PSMF1: variants seen among roughly 807,000 people sequenced by gnomAD.
PSMF1 encodes proteasome inhibitor PI31 subunit.
A neutral mutation model predicts 29.3 loss-of-function variants in PSMF1; 30 were observed. The observed-to-expected ratio is 1.02, with a 90% confidence interval of 0.77 to 1.39. PSMF1 has a LOEUF of 1.39. Among genes scored for constraint, PSMF1 ranks in the 40% most tolerant of loss-of-function variants. The pLI, the probability that PSMF1 is intolerant of heterozygous loss-of-function variation, is 0.00. For synonymous variants in PSMF1, 134 were observed against 139.7 expected, an observed-to-expected ratio of 0.96 and a Z score of 0.29; for missense variants, 344 against 357.5, an observed-to-expected ratio of 0.96 and a Z score of 0.31.
intron 4 of PSMF1, among the ~76,000 whole-genome samples, chr20:1,160,083 A>G (rs6040222): frequency 0.33 from 49,420 of 151,800 alleles, 8,557 homozygotes; most frequent in East Asian, 0.71. Context: ...ATCCCTATGC[A>G]TTACGGAAAA....
chr20:1,116,985 G>C (rs532284647), upstream of PSMF1, among the ~76,000 whole-genome samples: 1 of 152,298 alleles, frequency 6.6e-6, no homozygotes, highest in African/African-American at 2.4e-5. Context: ...GAAACTGGCT[G>C]GGAAGCTACT....
chr20:1,131,878 C>T (rs1392844696), intron 3 of PSMF1, among the ~76,000 whole-genome samples: 1 of 152,124 alleles, frequency 6.6e-6, no homozygotes, highest in African/African-American at 2.4e-5. Context: ...CTGAATTTTA[C>T]ACATGCCTAG....
intron 3 of PSMF1, chr20:1,134,773 G>A (rs1354886573): frequency 1.9e-5 from 7 of 365,726 alleles, no homozygotes; most frequent in African/African-American, 6.3e-5. Context: ...CCCATGACAC[G>A]TGATGAACAC....
intron 4 of PSMF1, among the ~76,000 whole-genome samples, chr20:1,139,757 A>AAG (rs57718820): frequency 0.41 from 60,235 of 147,714 alleles, 13,156 homozygotes; most frequent in Admixed American, 0.48. Flanking sequence ...AAAAAAAAAA[A>AAG]CGATAAAAAT....
intron 1 of PSMF1, among the ~76,000 whole-genome samples, chr20:1,125,296 G>A (rs931257174): frequency 2.0e-5 from 3 of 152,146 alleles, no homozygotes; most frequent in Non-Finnish European, 4.4e-5. Context: ...TCAATATGAG[G>A]GAGAGCGCAG....
In PSMF1 at chr20:1,166,212, C is replaced by A. The variant is rs1487615474; in HGVS notation, c.*1132C>A. 6.2e-7 allele frequency: 1 copy of A among 1,612,052 alleles called. No individual in the cohort carries two copies. The highest frequency in any genetic ancestry group is 2.2e-5 in the East Asian group (1 of 44,842). On this transcript the variant is annotated 3_prime_UTR_variant, in exon 7 of 7. Transcript: ENST00000335877. Reference sequence around the variant, plus strand: ...TGGCCCACCTGACCTTTGGTGTTCTCCGGATCCTTTTCAGCCCGAGGCCTG... The same window carrying A: ...TGGCCCACCTGACCTTTGGTGTTCTACGGATCCTTTTCAGCCCGAGGCCTG...
chr20:1,126,379 G>C (rs2086156508), intron 2 of PSMF1, among the ~76,000 whole-genome samples: 1 of 152,022 alleles, frequency 6.6e-6, no homozygotes, highest in Non-Finnish European at 1.5e-5. Context: ...TTTTCACTCG[G>C]TGTTTTGGAG....
Position 1,169,848 on chromosome 20 carries a change from C to T in PSMF1, c.*4768C>T, listed in dbSNP as rs2086772412. 6.6e-6 allele frequency among the ~76,000 whole-genome samples: 1 copy of T among 152,180 alleles called. No homozygotes were observed. Among genetic ancestry groups the T allele is most frequent in the African/African-American group, 2.4e-5 (1 of 41,450 alleles). ...TGGGGAGATGTCTTTATTCCCTCTT[C>T]CCACCTTTCCTGGAAGGTGCACTGG... On this transcript the variant is annotated 3_prime_UTR_variant, in exon 7 of 7. Transcript: ENST00000335877.
intron 1 of PSMF1, among the ~76,000 whole-genome samples, chr20:1,120,315 A>G (rs980190276): frequency 1.3e-5 from 2 of 152,176 alleles, no homozygotes; most frequent in African/African-American, 2.4e-5. Context: ...CTCTAAGACT[A>G]GATATGAGGA....
chr20:1,141,569 C>A (rs144319856), intron 4 of PSMF1, among the ~76,000 whole-genome samples: 2 of 151,870 alleles, frequency 1.3e-5, no homozygotes, highest in East Asian at 3.9e-4. Context: ...TACCAGCAAA[C>A]GTGATTTATT....
chr20:1,151,264 A>G (rs558738403), intron 4 of PSMF1, among the ~76,000 whole-genome samples: 1 of 152,336 alleles, frequency 6.6e-6, no homozygotes, highest in South Asian at 2.1e-4. Flanking sequence ...ATTCCATGAG[A>G]TTGGTAAGGG....
Position 1,166,441 on chromosome 20 carries a change from TG to T in PSMF1, c.*1362del, listed in dbSNP as rs1461981346. 8.9e-6 allele frequency: 6 copies of T among 671,390 alleles called. No individual in the cohort carries two copies. The highest frequency in any genetic ancestry group is 1.3e-5 in the Non-Finnish European group (5 of 384,458). The allele number at this position is 671,390 out of a possible 1,614,324, so 41.6% of individuals were successfully genotyped here. ...ATTTACCTGTAGGTAAGCAAGCTAC[TG>T]TAGCTCTTCTGAGGTATCTGCCAGG... On this transcript the variant is annotated 3_prime_UTR_variant, in exon 7 of 7. Coordinates refer to ENST00000335877, the MANE Select transcript of PSMF1 (RefSeq NM_006814.5).
At chr20:1,119,326 T>C (rs1317622071) in intron 1 of PSMF1, among the ~76,000 whole-genome samples, 1 of 152,112 alleles carries the variant, frequency 6.6e-6, no homozygotes, top group African/African-American at 2.4e-5. Flanking sequence ...CATACCACAG[T>C]AGAGCCTCCA....
chr20:1,160,781 G>A (rs545812727), intron 4 of PSMF1: 11 of 425,962 alleles, frequency 2.6e-5, no homozygotes, highest in African/African-American at 8.2e-5. Flanking sequence ...GCATCCTGAC[G>A]ATGAAGTACC....
chr20:1,132,246 CT>C (rs1172208297), intron 3 of PSMF1, among the ~76,000 whole-genome samples: 1 of 150,890 alleles, frequency 6.6e-6, no homozygotes, highest in Admixed American at 6.6e-5. Flanking sequence ...TGTGCCTTTT[CT>C]TTTTTTTCTT....
chr20:1,126,473 T>C (rs931007358), intron 2 of PSMF1, among the ~76,000 whole-genome samples: 1 of 152,222 alleles, frequency 6.6e-6, no homozygotes. Context: ...CATAATTTCT[T>C]TATTCCTTTC....
chr20:1,113,785 C>T (rs931359317), upstream of PSMF1, among the ~76,000 whole-genome samples: 3 of 152,130 alleles, frequency 2.0e-5, no homozygotes, highest in African/African-American at 4.8e-5. Context: ...CTCTGCCTCT[C>T]GGGTTCACGC....
chr20:1,161,731 AT>A, intron 4 of PSMF1: 1 of 555,494 alleles, frequency 1.8e-6, no homozygotes, highest in Non-Finnish European at 3.4e-6. Flanking sequence ...CATTTGCTGC[AT>A]AGGATAATTC....
intron 4 of PSMF1, among the ~76,000 whole-genome samples, chr20:1,157,517 T>C (rs551381470): frequency 2.0e-5 from 3 of 152,336 alleles, no homozygotes; most frequent in Admixed American, 1.3e-4. Flanking sequence ...ACTTAAATGC[T>C]GATACAAAGT....
Sources: gnomAD v4.1 joint callset for allele counts (sites outside exome capture counted in the v4.1 genomes callset) on GRCh38, gnomAD v4.1.1 for gene constraint, MANE v1.5 for transcripts, NCBI Gene and HGNC (gene_info 2026-07-23, HGNC 2026-07-21) for gene names.